Variants in ADGRE3 observed in about 807,000 individuals in gnomAD.
The protein encoded by ADGRE3 is adhesion G protein-coupled receptor E3.
In ADGRE3, 88 loss-of-function variants were observed where a neutral mutation model predicts 80.1. That is an observed-to-expected ratio of 1.10 (90% confidence interval 0.93 to 1.31). The LOEUF (loss-of-function observed/expected upper bound fraction) is 1.31, where lower values mean the gene tolerates loss of function less well. ADGRE3 is among the 40% of genes most tolerant of loss of function. The pLI, the probability that ADGRE3 is intolerant of heterozygous loss-of-function variation, is 0.00. For synonymous variants in ADGRE3, 281 were observed against 294.8 expected (o/e 0.95, Z 0.48); for missense variants, 715 against 776.5 (o/e 0.92, Z 0.94).
the ADGRE3 span, among the ~76,000 whole-genome samples, chr19:14,600,739 G>A: frequency 6.6e-6 from 1 of 151,078 alleles, no homozygotes; most frequent in African/African-American, 2.4e-5. Context: ...CCACCACCAC[G>A]CCCGGCTAAT....
chr19:14,620,167 G>A (rs1970498408), intron 15 of ADGRE3, among the ~76,000 whole-genome samples: 1 of 151,968 alleles, frequency 6.6e-6, no homozygotes, highest in South Asian at 2.1e-4. Flanking sequence ...TGTCCATAGA[G>A]AAAGAGTTTC....
chr19:14,625,913 C>T (rs1465528528), intron 14 of ADGRE3, among the ~76,000 whole-genome samples: 5 of 151,996 alleles, frequency 3.3e-5, no homozygotes, highest in Non-Finnish European at 5.9e-5. Context: ...AGTAGAAGAG[C>T]GGTTTCCAGG....
chr19:14,661,962 C>G lies in ADGRE3; in HGVS notation c.355+1G>C. 6.2e-7 allele frequency: 1 copy of G among 1,613,840 alleles called. No homozygotes were observed. Among genetic ancestry groups the G allele is most frequent in the Non-Finnish European group, 8.5e-7 (1 of 1,179,824 alleles). ...AGGCAGGAGGACAAAAATGTTCTTA[C>G]CCTGACAGGTGTTCTCATTGGAATT... On this transcript the variant is annotated splice_donor_variant, in intron 4 of 15. Coordinates refer to ENST00000253673, the MANE Select transcript of ADGRE3 (RefSeq NM_032571.5). LOFTEE classifies it high-confidence loss of function.
chr19:14,645,272 T>A (rs1033293827), intron 8 of ADGRE3, among the ~76,000 whole-genome samples: 2 of 152,196 alleles, frequency 1.3e-5, no homozygotes, highest in African/African-American at 4.8e-5. Flanking sequence ...CGTTGTATAA[T>A]CAATTTTGTC....
chr19:14,636,088 T>C (rs1420691416), intron 11 of ADGRE3, among the ~76,000 whole-genome samples: 1 of 29,940 alleles, frequency 3.3e-5, no homozygotes, highest in African/African-American at 1.0e-4. Flanking sequence ...TTCCCTTTCT[T>C]TCTTTCTTTC....
chr19:14,665,690 G>C (rs1972073689), intron 2 of ADGRE3, among the ~76,000 whole-genome samples: 1 of 151,248 alleles, frequency 6.6e-6, no homozygotes, highest in Admixed American at 6.6e-5. Flanking sequence ...TGGGGTTCTT[G>C]CTATGTTGCC....
chr19:14,614,526 C>T (rs1409063157), downstream of ADGRE3, among the ~76,000 whole-genome samples: 1 of 151,632 alleles, frequency 6.6e-6, no homozygotes, highest in Non-Finnish European at 1.5e-5. Context: ...CAGTGGCTCT[C>T]ATTGAATCTT....
At chr19:14,612,446 C>T in the ADGRE3 span, among the ~76,000 whole-genome samples, 58 of 152,220 alleles carry the variant, frequency 3.8e-4, no homozygotes, top group Non-Finnish European at 6.6e-4. Flanking sequence ...AGCATCCTCC[C>T]GCCTCAGCCT....
intron 7 of ADGRE3, among the ~76,000 whole-genome samples, chr19:14,649,040 A>G (rs539238673): frequency 1.6e-5 from 2 of 127,242 alleles, no homozygotes; most frequent in African/African-American, 6.3e-5. Context: ...CTCTTTCCAT[A>G]TATCTCTCCC....
At chr19:14,624,724 C>T (rs985839531) in intron 15 of ADGRE3, among the ~76,000 whole-genome samples, 2 of 150,834 alleles carry the variant, frequency 1.3e-5, no homozygotes, top group African/African-American at 4.9e-5. Flanking sequence ...CACTGCACTC[C>T]AGCCTGGGTG....
chr19:14,625,920 C>T (rs974563178), intron 14 of ADGRE3, among the ~76,000 whole-genome samples: 11 of 151,926 alleles, frequency 7.2e-5, no homozygotes, highest in Admixed American at 4.6e-4. Context: ...GAGCGGTTTC[C>T]AGGGCCTGGG....
Position 14,641,626 on chromosome 19 carries a change from A to G in ADGRE3, c.1051-10T>C, listed in dbSNP as rs1211436053. The G allele has an allele frequency of 2.0e-5, 33 of 1,613,700 alleles. No homozygotes were observed. The highest frequency in any genetic ancestry group is 4.5e-5 in the East Asian group (2 of 44,880). Reference sequence around the variant, plus strand: ...GCACGGGATCCTCCTCCTGGGACCGAGAAAAAAAGTTCACAGTGATGCTTT... The same window carrying G: ...GCACGGGATCCTCCTCCTGGGACCGGGAAAAAAAGTTCACAGTGATGCTTT... On this transcript the variant is annotated splice_polypyrimidine_tract_variant and intron_variant, in intron 9 of 15. Transcript: ENST00000253673.
At chr19:14,672,721 C>T (rs190228334) in intron 1 of ADGRE3, among the ~76,000 whole-genome samples, 4 of 152,256 alleles carry the variant, frequency 2.6e-5, no homozygotes, top group Non-Finnish European at 5.9e-5. Context: ...GCGATCCTCC[C>T]ACCTCAGCCT....
At chr19:14,656,296 G>A (rs1971756022) in intron 5 of ADGRE3, among the ~76,000 whole-genome samples, 2 of 146,986 alleles carry the variant, frequency 1.4e-5, no homozygotes, top group South Asian at 4.4e-4. Flanking sequence ...AGATGTTGTA[G>A]TGAGCCGAGA....
intron 4 of ADGRE3, among the ~76,000 whole-genome samples, chr19:14,660,101 A>G (rs879770934): frequency 4.6e-5 from 7 of 152,146 alleles, no homozygotes; most frequent in Non-Finnish European, 8.8e-5. Flanking sequence ...TGCACACTTT[A>G]TCATTGGGTG....
At chr19:14,627,700 G>A (rs541599808) in intron 14 of ADGRE3, among the ~76,000 whole-genome samples, 14 of 152,170 alleles carry the variant, frequency 9.2e-5, no homozygotes, top group African/African-American at 3.4e-4. Context: ...TGGAGACAGC[G>A]TGCAGTCCAG....
rs200012041 is a variant in ADGRE3, at chr19:14,638,292, C to T, written c.1297G>A (p.Ala433Thr). The part of the protein sequence containing the change: ...AGALHYLYLA[A>T]FTWMLLEGVH... ...CCCTCCAGCAGCATCCAGGTGAAGG[C>T]GGCCAGGTAGAGATAGTGCAAAGCA... Residue 433 changes from alanine (A) to threonine (T), a missense_variant, in exon 11 of 16, where the codon GCC becomes ACC. Transcript: ENST00000253673. 125 of 1,614,090 alleles carry T rather than the reference C, an allele frequency of 7.7e-5. No homozygotes were observed. The highest frequency in any genetic ancestry group is 2.9e-4 in the African/African-American group (22 of 75,022).
At chr19:14,651,313 G>T in intron 6 of ADGRE3, 109 bp from the exon 7 acceptor site, 2 of 1,224,266 alleles carry the variant, frequency 1.6e-6, no homozygotes, top group Non-Finnish European at 2.3e-6. Flanking sequence ...TACTCAAGAG[G>T]CTGAGGCAGA....
the ADGRE3 span, among the ~76,000 whole-genome samples, chr19:14,608,023 A>C: frequency 1.3e-5 from 2 of 151,108 alleles, no homozygotes; most frequent in East Asian, 3.9e-4. Flanking sequence ...GTCACACACC[A>C]CCATGCCTGG....
Sources: gnomAD v4.1 joint callset for allele counts (sites outside exome capture counted in the v4.1 genomes callset) on GRCh38, gnomAD v4.1.1 for gene constraint, MANE v1.5 for transcripts, NCBI Gene and HGNC (gene_info 2026-07-23, HGNC 2026-07-21) for gene names.